Variants in GATA6 observed in about 807,000 individuals in gnomAD.
GATA6 encodes transcription factor GATA-6.
In GATA6, 11 loss-of-function variants were observed where a neutral mutation model predicts 48.1. The observed-to-expected ratio is 0.23, with a 90% CI of 0.14 to 0.38. GATA6 has a LOEUF of 0.38. GATA6 is among the 10% of genes least tolerant of loss of function. GATA6 has a pLI of 1.00. For missense variants in GATA6, 795 were observed against 850.3 expected (o/e 0.93, Z 0.81); for synonymous variants, 419 against 396.1 (o/e 1.06, Z -0.69).
At chr18:22,183,883 G>C (rs147380525) in intron 6 of GATA6, among the ~76,000 whole-genome samples, 137 of 152,342 alleles carry the variant, frequency 9.0e-4, no homozygotes, top group African/African-American at 3.2e-3. Context: ...ATGTGTCCTT[G>C]TGACCCTTGG....
rs1171396559 is a variant in GATA6, at chr18:22,172,501, G to A, written c.1135+222G>A. ...CCAAGACTTGAGTCTGTTGTGCCAA[G>A]TTCCTTTCCACGGATGAGACTAAAT... On this transcript the variant is annotated intron_variant, in intron 2 of 6. Transcript: ENST00000269216. This position sits in a 1 kb window ranked among gnomAD's most constrained non-coding sequence, Gnocchi z 5.2. 2.0e-5 allele frequency among the ~76,000 whole-genome samples: 3 copies of A among 152,252 alleles called. No individual in the cohort carries two copies. The highest frequency in any genetic ancestry group is 4.4e-5 in the Non-Finnish European group (3 of 68,040).
intron 3 of GATA6, 37 bp downstream of exon 3, chr18:22,177,158 G>A (rs761348410): frequency 3.3e-6 from 5 of 1,526,366 alleles, no homozygotes; most frequent in African/African-American, 1.4e-5. Context: ...CTCGCGGCCG[G>A]CCCCGGGCTC....
Position 22,171,292 on chromosome 18 carries a change from G to C in GATA6, c.148G>C (p.Gly50Arg). ...CTCGTCCTCCTCCTGCTCCCGGGGC[G>C]GAGAGCGGGGCCCCGGCGGCGCCAG... ...SSSSSSCSRG[G>R]ERGPGGASNC... is the part of the protein sequence containing the mutation. The change falls in exon 2 of 7, where the codon GGA becomes CGA. Residue 50 changes from glycine to arginine, a missense_variant. Gly to Arg is a moderately radical substitution (Grantham distance 125). This residue lies in a region of GATA6 where 591 missense variants were observed against 570.0 expected (regional missense o/e 1.04). Transcript: ENST00000269216. This position sits in a 1 kb window ranked among gnomAD's most constrained non-coding sequence, Gnocchi z 7.1. 6.3e-7 allele frequency: 1 copy of C among 1,593,370 alleles called. No individual in the cohort carries two copies. The highest frequency in any genetic ancestry group is 1.1e-5 in the South Asian group (1 of 90,700).
Position 22,201,617 on chromosome 18 carries a change from T to A in GATA6, c.*794T>A, listed in dbSNP as rs1406646879. ...AATGTTAACTTAGACATTCTTATGCTTCTTTTACAACTACATCCCATTTTA... is the reference window on the plus strand; with the variant it reads ...AATGTTAACTTAGACATTCTTATGCATCTTTTACAACTACATCCCATTTTA... On this transcript the variant is annotated 3_prime_UTR_variant, in exon 7 of 7. Coordinates refer to ENST00000269216, the MANE Select transcript of GATA6 (RefSeq NM_005257.6). The A allele has an allele frequency of 6.5e-6, 1 of 152,694 alleles. No homozygotes were observed. The highest frequency in any genetic ancestry group is 6.5e-5 in the Admixed American group (1 of 15,292). 9.5% of individuals were successfully genotyped at this position (152,694 alleles called of 1,614,324 possible). A position where few individuals can be genotyped will look rare whatever the true frequency, so the allele number is the denominator to read the frequency against.
At chr18:22,177,259 G>A (rs1017813866) in intron 3 of GATA6, 138 bp downstream of exon 3, 1 of 764,118 alleles carries the variant, frequency 1.3e-6, no homozygotes, top group Non-Finnish European at 2.0e-6. Flanking sequence ...CCACCCTAGC[G>A]GGGACCCAGC....
chr18:22,200,999 A>C lies in GATA6; in HGVS notation c.*176A>C, dbSNP rs2033455777. On this transcript the variant is annotated 3_prime_UTR_variant, in exon 7 of 7. Coordinates refer to ENST00000269216, the MANE Select transcript of GATA6 (RefSeq NM_005257.6). The stretch of plus-strand genomic sequence containing the variant: ...TTGCTGAAAGAGTGAGAGAAGATGG[A>C]AGGGAAGGGCCAGTGCAACTGGGCG... 2.4e-6 allele frequency: 2 copies of C among 840,944 alleles called. No homozygotes were observed. The highest frequency in any genetic ancestry group is 3.6e-6 in the Non-Finnish European group (2 of 550,540). 52.1% of individuals were successfully genotyped at this position (840,944 alleles called of 1,614,324 possible).
intron 2 of GATA6, among the ~76,000 whole-genome samples, chr18:22,174,008 G>A (rs537106097): frequency 1.3e-5 from 2 of 152,312 alleles, no homozygotes; most frequent in South Asian, 2.1e-4. Context: ...GAATGGGATC[G>A]GGGGACCCTG....
intron 3 of GATA6, among the ~76,000 whole-genome samples, chr18:22,177,954 T>G (rs1204297712): frequency 1.7e-5 from 2 of 120,968 alleles, no homozygotes; most frequent in East Asian, 2.4e-4. Context: ...GTTTTTTTGT[T>G]TTTTTTTTTT....
intron 3 of GATA6, among the ~76,000 whole-genome samples, chr18:22,177,714 T>C (rs2033141211): frequency 6.6e-6 from 1 of 152,132 alleles, no homozygotes; most frequent in Non-Finnish European, 1.5e-5. Flanking sequence ...CACAGCCACA[T>C]TCTTTTGGGT....
At chr18:22,186,575 A>G (rs1402216895) in intron 6 of GATA6, among the ~76,000 whole-genome samples, 1 of 152,262 alleles carries the variant, frequency 6.6e-6, no homozygotes. Context: ...CATGACACAG[A>G]GTCCTGAGCT....
chr18:22,179,944 A>G (rs1260649627), intron 3 of GATA6, among the ~76,000 whole-genome samples: 1 of 152,204 alleles, frequency 6.6e-6, no homozygotes, highest in Non-Finnish European at 1.5e-5. Context: ...TTCATCTTTT[A>G]AATTTCCCAG....
chr18:22,187,776 T>TCCC (rs1362998647), intron 6 of GATA6, among the ~76,000 whole-genome samples: 9 of 152,148 alleles, frequency 5.9e-5, no homozygotes, highest in Admixed American at 4.6e-4. Flanking sequence ...TTTTTCTTAA[T>TCCC]TTCTTTTGTA....
rs1437667524 is a variant in GATA6, at chr18:22,171,930, C to A, written c.786C>A (p.Arg262=). 5.9e-6 allele frequency: 7 copies of A among 1,186,444 alleles called. No homozygotes were observed. The African/African-American group carries it at 1.1e-4, about 19-fold the overall frequency. The allele number at this position is 1,186,444 out of a possible 1,614,324, so 73.5% of individuals were successfully genotyped here. Reference sequence around the variant, plus strand: ...CAGCCGCGGCGCACGTCTCGGCGCGCTTCCCCTACTCTCCCAGCCCGCCCA... The same window carrying A: ...CAGCCGCGGCGCACGTCTCGGCGCGATTCCCCTACTCTCCCAGCCCGCCCA... ...AGSAAAHVSA[R]FPYSPSPPMA... The change falls in exon 2 of 7, where the codon CGC becomes CGA. Residue 262 remains arginine (R), a synonymous_variant. Coordinates refer to ENST00000269216, the MANE Select transcript of GATA6 (RefSeq NM_005257.6). The surrounding 1 kb of genome is among the most constrained non-coding windows in gnomAD (Gnocchi z 7.1).
rs762294271 is a variant in GATA6, at chr18:22,171,315, C to A, written c.171C>A (p.Ala57=). 1 of 1,589,404 alleles carries A rather than the reference C, an allele frequency of 6.3e-7. No homozygotes were observed. The highest frequency in any genetic ancestry group is 1.1e-5 in the South Asian group (1 of 90,192). Reference sequence around the variant, plus strand: ...GCGGAGAGCGGGGCCCCGGCGGCGCCAGCAACTGCGGGACGCCTCAGCTCG... The same window carrying A: ...GCGGAGAGCGGGGCCCCGGCGGCGCAAGCAACTGCGGGACGCCTCAGCTCG... ...SRGGERGPGG[A]SNCGTPQLDT... Residue 57 remains alanine, a synonymous_variant, in exon 2 of 7, where the codon GCC becomes GCA. Coordinates refer to ENST00000269216, the MANE Select transcript of GATA6 (RefSeq NM_005257.6). This position sits in a 1 kb window ranked among gnomAD's most constrained non-coding sequence, Gnocchi z 7.1.
chr18:22,177,176 C>A, intron 3 of GATA6, 55 bp downstream of exon 3: 1 of 1,470,440 alleles, frequency 6.8e-7, no homozygotes, highest in Non-Finnish European at 9.0e-7. Flanking sequence ...CTCTCCTGGC[C>A]CGGCCGGCCC....
intron 6 of GATA6, among the ~76,000 whole-genome samples, chr18:22,183,429 A>G (rs752998462): frequency 5.0e-4 from 76 of 152,246 alleles, no homozygotes; most frequent in Non-Finnish European, 1.6e-4. Context: ...TTCATAGATT[A>G]CAGTGCCCAT....
chr18:22,181,024 ACT>A (rs1431594996), intron 3 of GATA6, among the ~76,000 whole-genome samples: 1 of 152,002 alleles, frequency 6.6e-6, no homozygotes, highest in East Asian at 1.9e-4. Flanking sequence ...TTTGAGTATA[ACT>A]CTATTTGGCC....
intron 3 of GATA6, among the ~76,000 whole-genome samples, chr18:22,179,689 A>G (rs1378121084): frequency 6.6e-6 from 1 of 152,236 alleles, no homozygotes; most frequent in East Asian, 1.9e-4. Context: ...AAGAAAGAAA[A>G]AAGAAAAGCC....
Position 22,185,321 on chromosome 18 carries a change from G to A in GATA6, c.1620+2278G>A, listed in dbSNP as rs892176064. Among the ~76,000 whole-genome samples the A allele has an allele frequency of 6.6e-6, 1 of 152,244 alleles. No individual in the cohort carries two copies. Among genetic ancestry groups the A allele is most frequent in the Non-Finnish European group, 1.5e-5 (1 of 68,046 alleles). ...GGCCAGGAGGCAAAGCAACAAGGATGTTAAGGATGGGGTTGGAGAGTACTA... is the reference window on the plus strand; with the variant it reads ...GGCCAGGAGGCAAAGCAACAAGGATATTAAGGATGGGGTTGGAGAGTACTA... On this transcript the variant is annotated intron_variant, in intron 6 of 6. Transcript: ENST00000269216. The surrounding 1 kb of genome is among the most constrained non-coding windows in gnomAD (Gnocchi z 4.3).
Sources: allele counts gnomAD v4.1 joint callset (sites outside exome capture counted in the v4.1 genomes callset), GRCh38; gene constraint gnomAD v4.1.1; regional missense constraint gnomAD v4.1.1; non-coding constraint Gnocchi (gnomAD v3.1); transcripts MANE v1.5; gene names NCBI Gene and HGNC (gene_info 2026-07-23, HGNC 2026-07-21).